The following RAB3C variants were observed in gnomAD, a reference collection of about 807,000 sequenced individuals.
RAB3C encodes RAB3C, member RAS oncogene family.
RAB3C carries 17 observed loss-of-function variants against 26.4 expected under a neutral mutation model. The ratio of observed to expected loss-of-function variants is 0.64; its 90% confidence interval spans 0.44 to 0.97. RAB3C has a LOEUF of 0.97. Among genes scored for constraint, RAB3C ranks in the 50% least tolerant of loss-of-function variants. RAB3C has a pLI of 0.00. For missense variants in RAB3C, 242 were observed against 281.9 expected (o/e 0.86, Z 1.01); for synonymous variants, 91 against 95.9 (o/e 0.95, Z 0.30).
chr5:58,813,595 TATATATATATA>T (rs1743138245), intron 3 of RAB3C, among the ~76,000 whole-genome samples: 1 of 8,094 alleles, frequency 1.2e-4, no homozygotes, highest in African/African-American at 9.7e-4. Flanking sequence ...TTTATATTTA[TATATATATATA>T]TATATATATA....
intron 3 of RAB3C, among the ~76,000 whole-genome samples, chr5:58,756,682 CA>C (rs1462747195): frequency 2.1e-5 from 3 of 141,174 alleles, no homozygotes; most frequent in Non-Finnish European, 4.6e-5. Flanking sequence ...TCTGAATACC[CA>C]AATATGTGAT....
chr5:58,774,999 G>A (rs564911207), intron 3 of RAB3C, among the ~76,000 whole-genome samples: 11 of 152,248 alleles, frequency 7.2e-5, no homozygotes, highest in African/African-American at 2.6e-4. Flanking sequence ...GAGTAGAGGA[G>A]TGGCATGGTC....
chr5:58,787,061 G>A (rs1742407328), intron 3 of RAB3C, among the ~76,000 whole-genome samples: 1 of 152,088 alleles, frequency 6.6e-6, no homozygotes, highest in South Asian at 2.1e-4. Flanking sequence ...GATCTTAAAG[G>A]TGAAATGAGT....
At chr5:58,697,809 A>T (rs1056153539) in intron 2 of RAB3C, among the ~76,000 whole-genome samples, 4 of 152,072 alleles carry the variant, frequency 2.6e-5, no homozygotes, top group African/African-American at 9.7e-5. Flanking sequence ...TTTTGAGCCT[A>T]TGTGCGTCTT....
At chr5:58,658,774 C>A (rs571045888) in intron 2 of RAB3C, among the ~76,000 whole-genome samples, 1 of 152,184 alleles carries the variant, frequency 6.6e-6, no homozygotes, top group South Asian at 2.1e-4. Context: ...GGCAGTGGAG[C>A]AATAAGGCAA....
At chr5:58,613,030 G>T (rs141557073) in intron 1 of RAB3C, among the ~76,000 whole-genome samples, 1 of 152,160 alleles carries the variant, frequency 6.6e-6, no homozygotes, top group Non-Finnish European at 1.5e-5. Flanking sequence ...TTTGTGAGTG[G>T]CCAAGTGAAT....
intron 4 of RAB3C, among the ~76,000 whole-genome samples, chr5:58,840,110 T>C (rs188603504): frequency 6.6e-6 from 1 of 152,130 alleles, no homozygotes; most frequent in Admixed American, 6.5e-5. Context: ...ACTGAAAATA[T>C]AAATATTTGT....
chr5:58,638,298 C>T (rs561343955), intron 2 of RAB3C, among the ~76,000 whole-genome samples: 1 of 151,972 alleles, frequency 6.6e-6, no homozygotes, highest in East Asian at 1.9e-4. Context: ...TTATAAGTTA[C>T]TAACTTTTCT....
At chr5:58,743,807 T>C (rs1012275796) in intron 3 of RAB3C, among the ~76,000 whole-genome samples, 3 of 152,176 alleles carry the variant, frequency 2.0e-5, no homozygotes, top group African/African-American at 7.2e-5. Context: ...AAATGAGAAC[T>C]TTTCCCAAAG....
chr5:58,805,707 G>C (rs1269958510), intron 3 of RAB3C, among the ~76,000 whole-genome samples: 1 of 152,060 alleles, frequency 6.6e-6, no homozygotes, highest in Non-Finnish European at 1.5e-5. Flanking sequence ...ATGAAGAAGT[G>C]TGATTAACAT....
chr5:58,760,303 C>A (rs1741771631), intron 3 of RAB3C, among the ~76,000 whole-genome samples: 1 of 152,018 alleles, frequency 6.6e-6, no homozygotes, highest in Non-Finnish European at 1.5e-5. Context: ...AATATGAGCT[C>A]CCGGATGGAA....
intron 2 of RAB3C, among the ~76,000 whole-genome samples, chr5:58,618,881 A>T (rs1746877770): frequency 6.6e-6 from 1 of 152,150 alleles, no homozygotes; most frequent in South Asian, 2.1e-4. Context: ...AGCTACTACC[A>T]TTTGGTGCTG....
intron 2 of RAB3C, 141 bp from the exon 3 acceptor site, chr5:58,725,861 A>G: frequency 2.0e-6 from 1 of 490,708 alleles, no homozygotes. Context: ...CATTAGGGGA[A>G]ACAAGACCAA....
intron 3 of RAB3C, among the ~76,000 whole-genome samples, chr5:58,786,625 A>G (rs1027658025): frequency 6.6e-5 from 10 of 152,142 alleles, no homozygotes; most frequent in African/African-American, 2.4e-4. Flanking sequence ...TTTGGAAAAC[A>G]AAGTTCAGGA....
intron 3 of RAB3C, among the ~76,000 whole-genome samples, chr5:58,810,198 C>G (rs1743036724): frequency 6.6e-6 from 1 of 152,108 alleles, no homozygotes; most frequent in African/African-American, 2.4e-5. Flanking sequence ...AACCAGCTGG[C>G]AAGGCAGCCA....
rs532511919 is a variant in RAB3C, at chr5:58,779,474, T to A, written c.372-45564T>A. 2.6e-4 allele frequency among the ~76,000 whole-genome samples: 40 copies of A among 151,996 alleles called. 3 individuals are homozygous for A. The South Asian group carries it at 8.3e-3, about 32-fold the overall frequency. ...GTCATGGCTCACTATAACTTCAAAC[T>A]CTAGGGCTCAAGGGATCCTCCTGTC... On this transcript the variant is annotated intron_variant, in intron 3 of 4. Coordinates refer to ENST00000282878, the MANE Select transcript of RAB3C (RefSeq NM_138453.4).
chr5:58,702,617 C>A (rs185401368), intron 2 of RAB3C, among the ~76,000 whole-genome samples: 15 of 152,074 alleles, frequency 9.9e-5, no homozygotes, highest in Admixed American at 5.2e-4. Context: ...ACACACACAT[C>A]CTTCTCTTTC....
rs373857370 is a variant in RAB3C, at chr5:58,772,442, G to A, written c.371+46322G>A. 7.2e-5 allele frequency among the ~76,000 whole-genome samples: 11 copies of A among 152,256 alleles called. No homozygotes were observed. The East Asian group carries it at 1.2e-3, about 16-fold the overall frequency. ...AATCAATACTGGAAATAGTCTGTGTGTTAAGAAAGGACTTCAGGGAAGAAA... is the reference window on the plus strand; with the variant it reads ...AATCAATACTGGAAATAGTCTGTGTATTAAGAAAGGACTTCAGGGAAGAAA... On this transcript the variant is annotated intron_variant, in intron 3 of 4. Transcript: ENST00000282878.
At chr5:58,624,133 GTGTGCCAGGCAC>G (rs941240178) in intron 2 of RAB3C, among the ~76,000 whole-genome samples, 2 of 152,152 alleles carry the variant, frequency 1.3e-5, no homozygotes, top group African/African-American at 4.8e-5. Flanking sequence ...GGTGCCTACT[GTGTGCCAGGCAC>G]TGTGCCAGGC....
Sources: gnomAD v4.1 joint callset for allele counts (sites outside exome capture counted in the v4.1 genomes callset) on GRCh38, gnomAD v4.1.1 for gene constraint, MANE v1.5 for transcripts, NCBI Gene and HGNC (gene_info 2026-07-23, HGNC 2026-07-21) for gene names.